TENM3: variants seen among roughly 807,000 people sequenced by gnomAD.
The protein encoded by TENM3 is teneurin transmembrane protein 3.
Under a neutral mutation model 255.1 loss-of-function variants are expected in TENM3, and 63 were observed. That is an observed-to-expected ratio of 0.25 (90% CI 0.20 to 0.30). TENM3 has a LOEUF of 0.30. TENM3 is among the 10% of genes least tolerant of loss of function. The pLI, the probability that TENM3 is intolerant of heterozygous loss-of-function variation, is 1.00. For synonymous variants in TENM3, 1,306 were observed against 1,322.3 expected (o/e 0.99, Z 0.27); for missense variants, 2,929 against 3,461.1 (o/e 0.85, Z 3.86).
chr4:181,478,815 C>T, the TENM3 span, among the ~76,000 whole-genome samples: 2 of 152,174 alleles, frequency 1.3e-5, no homozygotes, highest in Non-Finnish European at 2.9e-5. Context: ...CAAAATTGCC[C>T]AATCTAAATT....
chr4:181,692,217 C>G, the TENM3 span, among the ~76,000 whole-genome samples: 5 of 152,128 alleles, frequency 3.3e-5, no homozygotes, highest in African/African-American at 4.8e-5. Context: ...ATCAACTTGG[C>G]AAATTTGGCT....
At chr4:182,124,769 G>A in the TENM3 span, among the ~76,000 whole-genome samples, 1 of 152,176 alleles carries the variant, frequency 6.6e-6, no homozygotes, top group Admixed American at 6.5e-5. Flanking sequence ...CCTGATGTTT[G>A]AGTTCAACTG....
At chr4:182,291,547 C>A (rs1761127950) in intron 1 of TENM3, among the ~76,000 whole-genome samples, 1 of 152,170 alleles carries the variant, frequency 6.6e-6, no homozygotes, top group Admixed American at 6.5e-5. Context: ...ATCAGTGAAT[C>A]CTCACAGCCT....
the TENM3 span, among the ~76,000 whole-genome samples, chr4:181,793,904 T>C: frequency 6.6e-6 from 1 of 152,222 alleles, no homozygotes; most frequent in Admixed American, 6.5e-5. Flanking sequence ...TTCCCATTAT[T>C]TAGATTATGA....
the TENM3 span, among the ~76,000 whole-genome samples, chr4:181,539,288 T>C: frequency 6.6e-6 from 1 of 152,234 alleles, no homozygotes; most frequent in East Asian, 1.9e-4. Flanking sequence ...CAACTTTTTC[T>C]AAATTACTAA....
chr4:182,209,335 C>T (rs1754822669), intron 1 of TENM3, among the ~76,000 whole-genome samples: 1 of 152,090 alleles, frequency 6.6e-6, no homozygotes, highest in African/African-American at 2.4e-5. Flanking sequence ...ACCTCCCATC[C>T]CATCCCCCAC....
chr4:182,715,079 T>C (rs141010392), intron 13 of TENM3, among the ~76,000 whole-genome samples: 5,850 of 152,250 alleles, frequency 0.038, 186 homozygotes, highest in Non-Finnish European at 0.062. Flanking sequence ...AGACAGGGTT[T>C]CTCCATGTTG....
intron 3 of TENM3, among the ~76,000 whole-genome samples, chr4:182,384,316 T>TTC (rs1401075686): frequency 2.6e-5 from 4 of 151,522 alleles, no homozygotes; most frequent in East Asian, 3.9e-4. Flanking sequence ...GTTCAGTTTT[T>TTC]TTTTTTTTCT....
At chr4:181,618,530 AGGCAAT>A in the TENM3 span, among the ~76,000 whole-genome samples, 1 of 152,176 alleles carries the variant, frequency 6.6e-6, no homozygotes, top group Non-Finnish European at 1.5e-5. Context: ...AAGATTTAGG[AGGCAAT>A]GGTAGTTTTG....
chr4:182,680,789 G>C, intron 10 of TENM3, 52 bp downstream of exon 10: 1 of 1,345,254 alleles, frequency 7.4e-7, no homozygotes, highest in Non-Finnish European at 9.9e-7. Flanking sequence ...TAAAGAAACA[G>C]ATTGTATCTG....
At chr4:182,521,769 G>A (rs183788739) in intron 3 of TENM3, among the ~76,000 whole-genome samples, 2 of 152,132 alleles carry the variant, frequency 1.3e-5, no homozygotes, top group Admixed American at 1.3e-4. Flanking sequence ...TCAGCATATG[G>A]CTTATTTTTC....
the TENM3 span, among the ~76,000 whole-genome samples, chr4:181,484,116 C>T: frequency 6.6e-6 from 1 of 152,000 alleles, no homozygotes; most frequent in Non-Finnish European, 1.5e-5. Context: ...CGCATGTGTG[C>T]CTGCGTGTGT....
At chr4:181,757,346 G>T in the TENM3 span, among the ~76,000 whole-genome samples, 1 of 152,124 alleles carries the variant, frequency 6.6e-6, no homozygotes, top group Non-Finnish European at 1.5e-5. Flanking sequence ...AGAATGACAA[G>T]GTTGCCCAGG....
chr4:182,173,452 G>A (rs899476052), intron 1 of TENM3, among the ~76,000 whole-genome samples: 5 of 152,024 alleles, frequency 3.3e-5, no homozygotes, highest in African/African-American at 4.8e-5. Flanking sequence ...AAAAGAACAA[G>A]GACTTAAGGA....
chr4:181,508,712 CCT>C, the TENM3 span, among the ~76,000 whole-genome samples: 1 of 151,836 alleles, frequency 6.6e-6, no homozygotes, highest in East Asian at 1.9e-4. Context: ...GGCTGGATCC[CCT>C]GTTTTGTCCC....
intron 5 of TENM3, among the ~76,000 whole-genome samples, chr4:182,646,381 A>C (rs1752741517): frequency 6.6e-6 from 1 of 152,202 alleles, no homozygotes; most frequent in South Asian, 2.1e-4. Flanking sequence ...TGTGTGGCTA[A>C]TAATGCCCAG....
the TENM3 span, among the ~76,000 whole-genome samples, chr4:181,868,525 G>T: frequency 6.6e-6 from 1 of 152,124 alleles, no homozygotes; most frequent in African/African-American, 2.4e-5. Flanking sequence ...TTAATCGAGG[G>T]TCGCTACTGC....
chr4:181,876,007 C>T, the TENM3 span, among the ~76,000 whole-genome samples: 3 of 152,186 alleles, frequency 2.0e-5, no homozygotes, highest in Non-Finnish European at 2.9e-5. Flanking sequence ...TATGCTTCCT[C>T]CTCTTTAAAG....
chr4:181,614,895 T>C, the TENM3 span, among the ~76,000 whole-genome samples: 7 of 152,170 alleles, frequency 4.6e-5, no homozygotes, highest in East Asian at 7.7e-4. Flanking sequence ...GGGAGAAGAC[T>C]GGTTGTGGGG....
Sources: allele counts gnomAD v4.1 joint callset (sites outside exome capture counted in the v4.1 genomes callset), GRCh38; gene constraint gnomAD v4.1.1; transcripts MANE v1.5; gene names NCBI Gene and HGNC (gene_info 2026-07-23, HGNC 2026-07-21).